The following EBNA1BP2 variants were observed in gnomAD, a reference collection of about 807,000 sequenced individuals.
EBNA1BP2 encodes the protein EBNA1 binding protein 2, also known as probable rRNA-processing protein EBP2.
EBNA1BP2 carries 36 observed loss-of-function variants against 43.5 expected under a neutral mutation model. That is an observed-to-expected ratio of 0.83 (90% confidence interval 0.63 to 1.09). The LOEUF (loss-of-function observed/expected upper bound fraction) is 1.09, where lower values mean the gene tolerates loss of function less well. EBNA1BP2 is among the 50% of genes least tolerant of loss of function. The pLI is 0.00. For missense variants in EBNA1BP2, 332 were observed against 379.1 expected, an observed-to-expected ratio of 0.88 and a Z score of 1.03; for synonymous variants, 127 against 141.3, an observed-to-expected ratio of 0.90 and a Z score of 0.72.
In EBNA1BP2 at chr1:43,172,087, G is replaced by C; in HGVS notation, c.32C>G (p.Ser11Trp). 1 of 1,614,148 alleles carries C rather than the reference G, an allele frequency of 6.2e-7. No homozygotes were observed. The highest frequency in any genetic ancestry group is 8.5e-7 in the Non-Finnish European group (1 of 1,180,030). The change falls in exon 1 of 9, where the codon TCG becomes TGG. Residue 11 changes from serine (S) to tryptophan (W), a missense_variant. Transcript: ENST00000236051. ...TGTGACAAGGGATTCATCGGATTCC[G>C]ACTCCGAATCCGAGAGCGGGGGAGT... MDTPPLSDSE[S>W]ESDESLVTDR...
intron 5 of EBNA1BP2, 57 bp from the exon 6 acceptor site, chr1:43,167,292 A>T (rs1010866565): frequency 6.5e-6 from 10 of 1,527,740 alleles, no homozygotes; most frequent in Non-Finnish European, 9.1e-6. Flanking sequence ...TCCAGTGTCT[A>T]CATTGTCTTA....
At chr1:43,172,457 G>C (rs928911298), upstream of EBNA1BP2, 9 of 1,546,054 alleles carry the variant, frequency 5.8e-6, no homozygotes, top group Non-Finnish European at 7.9e-6. Context: ...ACGAAAGGTG[G>C]GAGGGGGTAC....
intron 7 of EBNA1BP2, among the ~76,000 whole-genome samples, chr1:43,166,376 A>C (rs1644918199): frequency 6.6e-6 from 1 of 152,172 alleles, no homozygotes; most frequent in Non-Finnish European, 1.5e-5. Context: ...TGGGAGGCTG[A>C]GGTGAGTGAA....
In EBNA1BP2 at chr1:43,171,462, T is replaced by A. The variant is rs772972663; in HGVS notation, c.323+17A>T. 2 of 1,594,834 alleles carry A rather than the reference T, an allele frequency of 1.3e-6. No individual in the cohort carries two copies. Among genetic ancestry groups the A allele is most frequent in the African/African-American group, 2.7e-5 (2 of 73,946 alleles). On this transcript the variant is annotated intron_variant, in intron 3 of 8. Transcript: ENST00000236051. ...ACAAGGATCCTCAACTTCTCCAACA[T>A]TTGAAAACAAACATACAAACTCATC...
chr1:43,172,472 G>A, upstream of EBNA1BP2: 1 of 1,541,884 alleles, frequency 6.5e-7, no homozygotes, highest in Non-Finnish European at 8.8e-7. Context: ...GGGTACCTGG[G>A]GGTCGCCAGA....
At chr1:43,172,302 G>A (rs1254787170), upstream of EBNA1BP2, 1 of 1,551,832 alleles carries the variant, frequency 6.4e-7, no homozygotes, top group Admixed American at 2.0e-5. Flanking sequence ...ACTTTTGATT[G>A]GGACTTCCGC....
Position 43,167,248 on chromosome 1 carries a change from C to T in EBNA1BP2, c.538-13G>A. The T allele has an allele frequency of 3.1e-6, 5 of 1,613,764 alleles. No homozygotes were observed. Among genetic ancestry groups the T allele is most frequent in the Non-Finnish European group, 4.2e-6 (5 of 1,179,744 alleles). On this transcript the variant is annotated splice_polypyrimidine_tract_variant and intron_variant, in intron 5 of 8. Transcript: ENST00000236051. ...CCTCCGTTTGCACCTGTGATATGAACACAAGGACCGTTACAGCCATTCCAT... is the reference window on the plus strand; with the variant it reads ...CCTCCGTTTGCACCTGTGATATGAATACAAGGACCGTTACAGCCATTCCAT...
chr1:43,167,423 G>C (rs1644926223), intron 5 of EBNA1BP2, among the ~76,000 whole-genome samples, 188 bp from the exon 6 acceptor site: 1 of 152,146 alleles, frequency 6.6e-6, no homozygotes. Flanking sequence ...AGATATATCT[G>C]TCTCATAACA....
Position 43,172,274 on chromosome 1 carries a change from A to C in EBNA1BP2, c.-156T>G. On this transcript the variant is annotated 5_prime_UTR_variant, in exon 1 of 9. Transcript: ENST00000236051. Reference sequence around the variant, plus strand: ...CCACCGAATCGCTCCAGCGCCAGCAACTCACAGCTACTGCTCAACTTTTGA... The same window carrying C: ...CCACCGAATCGCTCCAGCGCCAGCACCTCACAGCTACTGCTCAACTTTTGA... 2 of 1,552,634 alleles carry C rather than the reference A, an allele frequency of 1.3e-6. No homozygotes were observed. The highest frequency in any genetic ancestry group is 1.7e-6 in the Non-Finnish European group (2 of 1,147,384).
intron 5 of EBNA1BP2, among the ~76,000 whole-genome samples, chr1:43,168,631 G>A (rs1399505028): frequency 6.6e-6 from 1 of 152,148 alleles, no homozygotes. Flanking sequence ...ATTCTGTTTT[G>A]AAAAATTTCC....
chr1:43,172,461 G>A (rs573575781), upstream of EBNA1BP2: 3 of 1,543,952 alleles, frequency 1.9e-6, no homozygotes, highest in South Asian at 1.2e-5. Flanking sequence ...AAGGTGGGAG[G>A]GGGTACCTGG....
rs767130724 is a variant in EBNA1BP2 at position 43,164,593 on chromosome 1, G to T, written c.870+50C>A. The T allele has an allele frequency of 6.2e-6, 10 of 1,613,818 alleles. No individual in the cohort carries two copies. In the South Asian group the frequency reaches 1.1e-4, roughly 18 times the overall value. On this transcript the variant is annotated intron_variant, in intron 8 of 8. Coordinates refer to ENST00000236051, the MANE Select transcript of EBNA1BP2 (RefSeq NM_006824.3). ...GAAGGGAGAGGGCAGGGTTGGGAGTGGGAGGGGAGGCTGAGCCTGCTCCTC... is the reference window on the plus strand; with the variant it reads ...GAAGGGAGAGGGCAGGGTTGGGAGTTGGAGGGGAGGCTGAGCCTGCTCCTC...
intron 4 of EBNA1BP2, 136 bp downstream of exon 4, chr1:43,170,620 C>T: frequency 7.8e-7 from 1 of 1,289,876 alleles, no homozygotes; most frequent in South Asian, 1.5e-5. Flanking sequence ...CTGAAGTAGC[C>T]AATCTATGGA....
Position 43,170,786 on chromosome 1 carries a change from T to C in EBNA1BP2, c.417A>G (p.Glu139=). ...PTKRPTDYFA[E]MAKSDLQMQK... is the part of the protein sequence containing the mutation. ...GCATCTGCAGATCAGATTTGGCCAT[T>C]TCCGCAAAATAATCAGTGGGTCGCT... Residue 139 remains glutamate (E), a synonymous_variant, in exon 4 of 9, where the codon GAA becomes GAG. Coordinates refer to ENST00000236051, the MANE Select transcript of EBNA1BP2 (RefSeq NM_006824.3). 6.2e-7 allele frequency: 1 copy of C among 1,607,236 alleles called. No homozygotes were observed. The highest frequency in any genetic ancestry group is 8.5e-7 in the Non-Finnish European group (1 of 1,177,226).
At chr1:43,171,697 T>C in intron 2 of EBNA1BP2, 46 bp from the exon 3 acceptor site, 1 of 1,601,328 alleles carries the variant, frequency 6.2e-7, no homozygotes, top group Non-Finnish European at 8.5e-7. Flanking sequence ...ACTCTGAGTT[T>C]GTCTTTCCCA....
chr1:43,164,405 A>G lies in EBNA1BP2; in HGVS notation c.*38T>C. The G allele has an allele frequency of 6.2e-7, 1 of 1,613,498 alleles. No homozygotes were observed. The highest frequency in any genetic ancestry group is 8.5e-7 in the Non-Finnish European group (1 of 1,179,422). On this transcript the variant is annotated 3_prime_UTR_variant, in exon 9 of 9. Coordinates refer to ENST00000236051, the MANE Select transcript of EBNA1BP2 (RefSeq NM_006824.3). ...GTGTGTCGTGAAATTGCGAGTCTTC[A>G]TTCCTTTTTCTTGGTTCTTTGTATT...
intron 6 of EBNA1BP2, 43 bp downstream of exon 6, chr1:43,167,117 A>G (rs751555257): frequency 6.3e-5 from 100 of 1,597,464 alleles, no homozygotes; most frequent in Non-Finnish European, 8.2e-5. Flanking sequence ...AATCAACTCT[A>G]AAGTACCTGC....
At chr1:43,172,306 CT>C, upstream of EBNA1BP2, 1 of 1,551,848 alleles carries the variant, frequency 6.4e-7, no homozygotes, top group Admixed American at 2.0e-5. Flanking sequence ...TTGATTGGGA[CT>C]TCCGCTTCCG....
At chr1:43,171,280 T>TAA in intron 3 of EBNA1BP2, 199 bp downstream of exon 3, 1 of 636,878 alleles carries the variant, frequency 1.6e-6, no homozygotes, top group Non-Finnish European at 2.4e-6. Flanking sequence ...AATTAGCCCA[T>TAA]AAAGTGGATT....
Sources: allele counts gnomAD v4.1 joint callset (sites outside exome capture counted in the v4.1 genomes callset), GRCh38; gene constraint gnomAD v4.1.1; transcripts MANE v1.5; gene names NCBI Gene and HGNC (gene_info 2026-07-23, HGNC 2026-07-21).